Variants in TMEM184B observed in about 807,000 individuals in gnomAD.
TMEM184B encodes putative MAPK-activating protein FM08.
In TMEM184B, 17 loss-of-function variants were observed where a neutral mutation model predicts 41.8. The observed-to-expected ratio is 0.41, with a 90% CI of 0.28 to 0.61. The LOEUF (loss-of-function observed/expected upper bound fraction) is 0.61, where lower values mean the gene tolerates loss of function less well. Ranked by LOEUF, TMEM184B falls within the 20% of genes least tolerant of loss-of-function variation. The probability of loss-of-function intolerance (pLI) is 0.34; values close to 1 mark genes in which losing one functional copy is unlikely to be tolerated. For missense variants in TMEM184B, 393 were observed against 557.8 expected (o/e 0.70, Z 2.98); for synonymous variants, 240 against 229.5 (o/e 1.05, Z -0.41).
chr22:38,240,336 A>ACATG (rs2091876533), intron 3 of TMEM184B, among the ~76,000 whole-genome samples: 1 of 152,212 alleles, frequency 6.6e-6, no homozygotes, highest in Non-Finnish European at 1.5e-5. Context: ...ACATTCTAAA[A>ACATG]CATGATAAAG....
chr22:38,232,248 T>C (rs1450656444), intron 3 of TMEM184B: 2 of 152,140 alleles, frequency 1.3e-5, no homozygotes, highest in African/African-American at 4.8e-5. Context: ...GGGCTGCTCA[T>C]TCTAAATTGG....
intron 2 of TMEM184B, chr22:38,246,758 C>G: frequency 8.4e-7 from 1 of 1,188,484 alleles, no homozygotes; most frequent in Non-Finnish European, 1.1e-6. Flanking sequence ...TTTTAGGAAG[C>G]AGAGGAAAAA....
chr22:38,258,119 CTT>C (rs2092313631), intron 1 of TMEM184B, among the ~76,000 whole-genome samples: 1 of 152,164 alleles, frequency 6.6e-6, no homozygotes, highest in Non-Finnish European at 1.5e-5. Flanking sequence ...GCAGTCTGCA[CTT>C]TGTCCCAGGC....
At chr22:38,231,814 G>C (rs536403214) in intron 3 of TMEM184B, 17 of 273,732 alleles carry the variant, frequency 6.2e-5, no homozygotes, top group South Asian at 1.1e-4. Context: ...GTGCTACACT[G>C]ATCTGGTGTC....
At chr22:38,237,459 T>G (rs536740129) in intron 3 of TMEM184B, among the ~76,000 whole-genome samples, 1 of 152,326 alleles carries the variant, frequency 6.6e-6, no homozygotes, top group South Asian at 2.1e-4. Flanking sequence ...CATTCTAAGC[T>G]CACCCCCTGT....
chr22:38,260,058 G>A (rs545527783), intron 1 of TMEM184B, among the ~76,000 whole-genome samples: 21 of 151,628 alleles, frequency 1.4e-4, no homozygotes, highest in South Asian at 2.1e-4. Flanking sequence ...CTACAGGCGC[G>A]TGCCACCACG....
intron 3 of TMEM184B, among the ~76,000 whole-genome samples, chr22:38,243,410 C>T (rs370317607): frequency 6.6e-5 from 10 of 152,244 alleles, no homozygotes; most frequent in East Asian, 5.8e-4. Flanking sequence ...ACTTGTCCCC[C>T]GACCACACAG....
Position 38,240,067 on chromosome 22 carries a change from G to A in TMEM184B, c.358+5868C>T, listed in dbSNP as rs546976372. On this transcript the variant is annotated intron_variant, in intron 3 of 8. Transcript: ENST00000361906. ...ACTCCTGGGCTCAAGCCATCCTCCC[G>A]CCTCAGCCTCCTGAGTTGCTGGTAT... Among the ~76,000 whole-genome samples the A allele has an allele frequency of 8.0e-4, 121 of 152,022 alleles. 2 individuals are homozygous for A. The highest frequency in any genetic ancestry group is 2.7e-3 in the African/African-American group (113 of 41,432).
intron 1 of TMEM184B, among the ~76,000 whole-genome samples, chr22:38,255,064 C>A (rs1012233816): frequency 4.0e-5 from 6 of 151,888 alleles, no homozygotes; most frequent in African/African-American, 1.5e-4. Context: ...CACTCTGTCG[C>A]CCCAGGCTGG....
At chr22:38,261,319 C>T (rs2092365725) in intron 1 of TMEM184B, among the ~76,000 whole-genome samples, 4 of 152,316 alleles carry the variant, frequency 2.6e-5, no homozygotes, top group Middle Eastern at 3.4e-3. Context: ...CACATGCCCT[C>T]ACAAGGGGTC....
At chr22:38,221,776 C>T in intron 8 of TMEM184B, 66 bp from the exon 9 acceptor site, 1 of 1,580,926 alleles carries the variant, frequency 6.3e-7, no homozygotes, top group Non-Finnish European at 8.6e-7. Context: ...GTGGCTCAGC[C>T]CCTGCCCGTG....
chr22:38,256,983 T>TTTG (rs1311984302), intron 1 of TMEM184B, among the ~76,000 whole-genome samples: 45 of 149,824 alleles, frequency 3.0e-4, no homozygotes, highest in Middle Eastern at 3.4e-3. Context: ...AATAGTTTTT[T>TTTG]TTTTTTTTTT....
intron 2 of TMEM184B, chr22:38,246,952 T>C (rs2092045862): frequency 9.1e-7 from 1 of 1,102,370 alleles, no homozygotes; most frequent in Non-Finnish European, 1.2e-6. Context: ...GCAAATGGGT[T>C]CTAAAAGGGA....
rs779713282 is a variant in TMEM184B, at chr22:38,247,796, T to G, written c.166A>C (p.Thr56Pro). Reference protein sequence around the residue: ...AQAISGFFVWTALLITCHQIY... With the variant: ...AQAISGFFVWPALLITCHQIY... ...TGGTGGCATGTGATGAGCAGGGCCG[T>G]CCACACGAAGAAGCCAGAGATGGCC... Residue 56 changes from threonine to proline, a missense_variant, in exon 2 of 9, where the codon ACG (threonine) becomes CCG (proline). Physicochemically the swap from Thr to Pro is conservative, Grantham distance 38. Around this residue, in one of 2 missense-constraint regions of TMEM184B, gnomAD observed 122 missense variants for 123.7 expected, o/e 0.99. Coordinates refer to ENST00000361906, the MANE Select transcript of TMEM184B (RefSeq NM_012264.5). The G allele has an allele frequency of 9.9e-6, 16 of 1,613,910 alleles. No homozygotes were observed. The highest frequency in any genetic ancestry group is 1.3e-5 in the African/African-American group (1 of 75,018).
chr22:38,251,997 G>C (rs1020501398), intron 1 of TMEM184B, among the ~76,000 whole-genome samples: 2 of 151,408 alleles, frequency 1.3e-5, no homozygotes, highest in Admixed American at 6.6e-5. Context: ...CTAGGCCCGA[G>C]TGATCCTCCC....
At chr22:38,252,906 G>C (rs531697526) in intron 1 of TMEM184B, among the ~76,000 whole-genome samples, 1 of 152,324 alleles carries the variant, frequency 6.6e-6, no homozygotes, top group Non-Finnish European at 1.5e-5. Flanking sequence ...ACTTTGGGAG[G>C]CCGAGCTGGG....
intron 1 of TMEM184B, among the ~76,000 whole-genome samples, chr22:38,265,692 T>C (rs2092434107): frequency 6.6e-6 from 1 of 152,234 alleles, no homozygotes; most frequent in South Asian, 2.1e-4. Context: ...CATGTTAATA[T>C]TAATTAATAT....
At chr22:38,242,611 T>G (rs1325244256) in intron 3 of TMEM184B, among the ~76,000 whole-genome samples, 1 of 152,176 alleles carries the variant, frequency 6.6e-6, no homozygotes, top group African/African-American at 2.4e-5. Context: ...TGGCCCCTCT[T>G]GGGCACTGAG....
chr22:38,260,230 A>C (rs908178171), intron 1 of TMEM184B, among the ~76,000 whole-genome samples: 12 of 151,706 alleles, frequency 7.9e-5, no homozygotes, highest in African/African-American at 2.9e-4. Context: ...AATTTTTTAT[A>C]TTTTTGTTAG....
Sources: gnomAD v4.1 joint callset for allele counts (sites outside exome capture counted in the v4.1 genomes callset) on GRCh38, gnomAD v4.1.1 for gene constraint, gnomAD v4.1.1 regional missense constraint, MANE v1.5 for transcripts, NCBI Gene and HGNC (gene_info 2026-07-23, HGNC 2026-07-21) for gene names.